The following EIF4G3 variants were observed in gnomAD, a reference collection of about 807,000 sequenced individuals.
The protein encoded by EIF4G3 is eIF-4-gamma 3.
EIF4G3 carries 34 observed loss-of-function variants against 186.4 expected under a neutral mutation model. That is an observed-to-expected ratio of 0.18 (90% CI 0.14 to 0.24). EIF4G3 has a LOEUF of 0.24. EIF4G3 is among the 10% of genes least tolerant of loss of function. The pLI, the probability that EIF4G3 is intolerant of heterozygous loss-of-function variation, is 1.00. For missense variants in EIF4G3, 1,536 were observed against 1,948.5 expected (o/e 0.79, Z 3.99); for synonymous variants, 673 against 679.5 (o/e 0.99, Z 0.15).
At chr1:20,808,613 G>A (rs754354576) in intron 36 of EIF4G3, among the ~76,000 whole-genome samples, 1 of 152,070 alleles carries the variant, frequency 6.6e-6, no homozygotes, top group African/African-American at 2.4e-5. Flanking sequence ...CCCGGCAGGC[G>A]GAGCTTGCAG....
intron 4 of EIF4G3, among the ~76,000 whole-genome samples, chr1:21,044,010 G>A (rs1304792819): frequency 6.6e-6 from 1 of 152,094 alleles, no homozygotes; most frequent in Non-Finnish European, 1.5e-5. Flanking sequence ...GACCAAAAGA[G>A]CTGAACACTC....
chr1:20,821,078 CCA>C (rs745663363), intron 33 of EIF4G3, among the ~76,000 whole-genome samples: 4 of 152,212 alleles, frequency 2.6e-5, no homozygotes, highest in Admixed American at 6.5e-5. Context: ...GGTGCCATGG[CCA>C]CAGAGGTTTC....
At position 20,857,940 on chromosome 1, in the gene EIF4G3, A is replaced by G. The variant is rs536573585; in HGVS notation, c.3245-443T>C. On this transcript the variant is annotated intron_variant, in intron 24 of 36. Coordinates refer to ENST00000602326, the MANE Select transcript of EIF4G3 (RefSeq NM_001391906.1). ...TGCTTCTCCAACATTTCAGCTGCACAGGTGGAAAACCTTGACTCCTCTTTC... is the reference window on the plus strand; with the variant it reads ...TGCTTCTCCAACATTTCAGCTGCACGGGTGGAAAACCTTGACTCCTCTTTC... Among the ~76,000 whole-genome samples the G allele has an allele frequency of 7.2e-5, 11 of 152,342 alleles. No individual in the cohort carries two copies. The East Asian group carries it at 2.1e-3, about 29-fold the overall frequency.
chr1:20,939,338 T>C (rs1199510801), intron 14 of EIF4G3, among the ~76,000 whole-genome samples: 5 of 152,184 alleles, frequency 3.3e-5, no homozygotes, highest in Non-Finnish European at 5.9e-5. Context: ...TTCTTTCTTT[T>C]CTAAGTGCTC....
At chr1:20,853,454 A>G in intron 27 of EIF4G3, 106 bp downstream of exon 27, 1 of 656,976 alleles carries the variant, frequency 1.5e-6, no homozygotes, top group African/African-American at 1.8e-5. Context: ...TTAGGAATAA[A>G]AGGAATGCAT....
At chr1:21,086,477 C>T (rs2095983775) in intron 3 of EIF4G3, among the ~76,000 whole-genome samples, 1 of 152,110 alleles carries the variant, frequency 6.6e-6, no homozygotes, top group Non-Finnish European at 1.5e-5. Flanking sequence ...CCATTAACCA[C>T]GCCTCTGGAT....
chr1:20,858,966 A>C (rs894682813), intron 24 of EIF4G3, among the ~76,000 whole-genome samples: 1 of 152,246 alleles, frequency 6.6e-6, no homozygotes, highest in African/African-American at 2.4e-5. Context: ...ACTGCACTCC[A>C]GCCTGGGCGA....
chr1:20,890,057 C>T (rs983417498), intron 18 of EIF4G3, among the ~76,000 whole-genome samples: 8 of 151,860 alleles, frequency 5.3e-5, no homozygotes, highest in African/African-American at 1.9e-4. Context: ...ACTACAGCCT[C>T]CGCCTCCCGG....
At chr1:20,969,958 A>T (rs1021135922) in intron 11 of EIF4G3, among the ~76,000 whole-genome samples, 19 of 152,056 alleles carry the variant, frequency 1.2e-4, no homozygotes, top group Non-Finnish European at 2.7e-4. Flanking sequence ...CTGCATAGAT[A>T]AAAGTTCCTT....
intron 15 of EIF4G3, among the ~76,000 whole-genome samples, chr1:20,900,807 CA>C (rs575299316): frequency 2.6e-5 from 4 of 151,996 alleles, no homozygotes; most frequent in Non-Finnish European, 4.4e-5. Context: ...GGAGAAGAGC[CA>C]AAAACTGGAG....
rs182067315 is a variant in EIF4G3 at position 21,166,944 on chromosome 1, G to A, written c.-272+9231C>T. On this transcript the variant is annotated intron_variant, in intron 2 of 36. Coordinates refer to ENST00000602326, the MANE Select transcript of EIF4G3 (RefSeq NM_001391906.1). ...CTACAGGCACGTGCAACCGCGCCTGGCTAATTTTTGTATTTTCTGTAAAGA... is the reference window on the plus strand; with the variant it reads ...CTACAGGCACGTGCAACCGCGCCTGACTAATTTTTGTATTTTCTGTAAAGA... Among the ~76,000 whole-genome samples the A allele has an allele frequency of 4.8e-3, 730 of 151,850 alleles. 5 individuals are homozygous for A. The highest frequency in any genetic ancestry group is 0.017 in the African/African-American group (696 of 41,402).
intron 2 of EIF4G3, among the ~76,000 whole-genome samples, chr1:21,095,016 A>G (rs1461183174): frequency 6.6e-6 from 1 of 152,028 alleles, no homozygotes; most frequent in East Asian, 1.9e-4. Flanking sequence ...AAACTAACCA[A>G]TTTTAAACTC....
At chr1:21,014,582 C>T (rs886498882) in intron 4 of EIF4G3, among the ~76,000 whole-genome samples, 7 of 150,856 alleles carry the variant, frequency 4.6e-5, no homozygotes, top group African/African-American at 7.3e-5. Flanking sequence ...ATTTCGTTTT[C>T]AGTTCCTGTG....
chr1:20,849,496 G>A lies in EIF4G3; in HGVS notation c.3807C>T (p.Asp1269=). The A allele has an allele frequency of 6.4e-7, 1 of 1,558,468 alleles. No homozygotes were observed. The highest frequency in any genetic ancestry group is 8.6e-7 in the Non-Finnish European group (1 of 1,157,482). Reference sequence around the variant, plus strand: ...GTTCCTCTTCTGATAATGCAGCCTTGTCATGAGCTGACATTGCTGAAATTT... The same window carrying A: ...GTTCCTCTTCTGATAATGCAGCCTTATCATGAGCTGACATTGCTGAAATTT... ...KPEISAMSAH[D]KAALSEEELE... Residue 1269 remains aspartate, a synonymous_variant, in exon 29 of 37, where the codon GAC becomes GAT. Transcript: ENST00000602326.
At chr1:20,864,451 G>C in intron 22 of EIF4G3, 25 bp downstream of exon 22, 1 of 1,579,152 alleles carries the variant, frequency 6.3e-7, no homozygotes, top group East Asian at 2.2e-5. Context: ...CCTTTGCGAA[G>C]GTTTCTGAGC....
intron 19 of EIF4G3, among the ~76,000 whole-genome samples, chr1:20,884,334 G>C (rs778512440): frequency 2.0e-5 from 3 of 152,076 alleles, no homozygotes; most frequent in Non-Finnish European, 4.4e-5. Flanking sequence ...GGACTATTTA[G>C]TATCTTTCAT....
chr1:20,951,451 C>G (rs140708611), intron 12 of EIF4G3, among the ~76,000 whole-genome samples: 1 of 151,822 alleles, frequency 6.6e-6, no homozygotes, highest in Non-Finnish European at 1.5e-5. Context: ...ACTGTTTTCA[C>G]GGGGACAAAT....
At chr1:21,094,761 A>ATAAT (rs1362385072) in intron 2 of EIF4G3, among the ~76,000 whole-genome samples, 4 of 99,322 alleles carry the variant, frequency 4.0e-5, no homozygotes, top group Non-Finnish European at 8.3e-5. Context: ...CCTAGAACTT[A>ATAAT]AAGTATAATA....
intron 29 of EIF4G3, among the ~76,000 whole-genome samples, chr1:20,848,101 G>C (rs1344519877): frequency 6.6e-6 from 1 of 151,938 alleles, no homozygotes; most frequent in Non-Finnish European, 1.5e-5. Flanking sequence ...TGAGTAGCTG[G>C]GACTACAGAT....
Sources: allele counts gnomAD v4.1 joint callset (sites outside exome capture counted in the v4.1 genomes callset), GRCh38; gene constraint gnomAD v4.1.1; transcripts MANE v1.5; gene names NCBI Gene and HGNC (gene_info 2026-07-23, HGNC 2026-07-21).